The following LIN52 variants were observed in gnomAD, a reference collection of about 807,000 sequenced individuals.
The protein encoded by LIN52 is protein lin-52 homolog.
LIN52 carries 4 observed loss-of-function variants against 18.5 expected under a neutral mutation model. That is an observed-to-expected ratio of 0.22 (90% CI 0.11 to 0.49). The LOEUF is 0.49. Ranked by LOEUF, LIN52 falls within the 20% of genes least tolerant of loss-of-function variation. LIN52 has a pLI of 0.97. For missense variants in LIN52, 102 were observed against 139.5 expected (o/e 0.73, Z 1.35); for synonymous variants, 34 against 45.5 (o/e 0.75, Z 1.02).
chr14:74,166,326 C>T (rs992510525), intron 5 of LIN52, among the ~76,000 whole-genome samples: 12 of 152,186 alleles, frequency 7.9e-5, no homozygotes, highest in Non-Finnish European at 1.2e-4. Flanking sequence ...AAGCGATTCT[C>T]CTGTCTCAGC....
chr14:74,124,810 C>CAAA (rs5809648), intron 5 of LIN52, among the ~76,000 whole-genome samples: 733 of 59,366 alleles, frequency 0.012, 39 homozygotes, highest in South Asian at 0.029. Flanking sequence ...GACCCTGTCT[C>CAAA]AAAAAAAAAA....
At chr14:74,185,367 T>C (rs1386907601) in intron 5 of LIN52, among the ~76,000 whole-genome samples, 1 of 125,668 alleles carries the variant, frequency 8.0e-6, no homozygotes, top group Admixed American at 1.1e-4. Context: ...CAGGCTGGAG[T>C]GCAGTGGCTT....
At position 74,119,649 on chromosome 14, in the gene LIN52, CTT is replaced by C. The variant is rs549833396; in HGVS notation, c.283+18414_283+18415del. Among the ~76,000 whole-genome samples the C allele has an allele frequency of 2.2e-3, 332 of 152,224 alleles. 1 individual carries two copies. The highest frequency in any genetic ancestry group is 7.8e-3 in the African/African-American group (325 of 41,532). Reference sequence around the variant, plus strand: ...CCTTACCAACAGGTGTATTCTCAGTCTTTTAACTTCTAGTCGTTCTAATAAAT... The same window carrying C: ...CCTTACCAACAGGTGTATTCTCAGTCTTAACTTCTAGTCGTTCTAATAAAT... On this transcript the variant is annotated intron_variant, in intron 5 of 5. Transcript: ENST00000555028.
intron 5 of LIN52, among the ~76,000 whole-genome samples, chr14:74,154,891 T>C (rs1399020052): frequency 6.6e-6 from 1 of 152,228 alleles, no homozygotes; most frequent in East Asian, 1.9e-4. Context: ...TTTAACTCAC[T>C]GAGGTCCTCA....
At chr14:74,187,358 G>A (rs1054594174) in intron 5 of LIN52, among the ~76,000 whole-genome samples, 1 of 152,020 alleles carries the variant, frequency 6.6e-6, no homozygotes, top group African/African-American at 2.4e-5. Flanking sequence ...AGAGTAAATG[G>A]TTTTGATTCT....
At chr14:74,133,007 A>G (rs1232582804) in intron 5 of LIN52, among the ~76,000 whole-genome samples, 1 of 151,826 alleles carries the variant, frequency 6.6e-6, no homozygotes, top group African/African-American at 2.4e-5. Context: ...TGCATCCTCC[A>G]TATCTTTAAA....
At position 74,092,301 on chromosome 14, in the gene LIN52, A is replaced by G. The variant is rs201468633; in HGVS notation, c.94+995A>G. Reference sequence around the variant, plus strand: ...ATAATTATTATTATTATATATATGTATATATATATATATGTTTTTTTTAGA... The same window carrying G: ...ATAATTATTATTATTATATATATGTGTATATATATATATGTTTTTTTTAGA... On this transcript the variant is annotated intron_variant, in intron 2 of 5. Coordinates refer to ENST00000555028, the MANE Select transcript of LIN52 (RefSeq NM_001024674.3). Among the ~76,000 whole-genome samples the G allele has an allele frequency of 9.1e-3, 298 of 32,924 alleles. 2 individuals are homozygous for G. Among genetic ancestry groups the G allele is most frequent in the African/African-American group, 0.047 (284 of 6,066 alleles). The allele number at this position is 32,924 out of a possible 152,430, so 21.6% of individuals were successfully genotyped here. A position where few individuals can be genotyped will look rare whatever the true frequency, so the allele number is the denominator to read the frequency against.
intron 5 of LIN52, among the ~76,000 whole-genome samples, chr14:74,139,311 C>T (rs1274800217): frequency 6.6e-6 from 1 of 152,134 alleles, no homozygotes; most frequent in Non-Finnish European, 1.5e-5. Context: ...GAATAGGCAG[C>T]CAATATTCTC....
intron 5 of LIN52, among the ~76,000 whole-genome samples, chr14:74,166,394 T>C (rs927549215): frequency 2.6e-5 from 4 of 151,390 alleles, no homozygotes; most frequent in African/African-American, 9.7e-5. Context: ...TTTGCATTTT[T>C]AGTAGAGATG....
chr14:74,167,434 G>A (rs1484776113), intron 5 of LIN52, among the ~76,000 whole-genome samples: 2 of 152,026 alleles, frequency 1.3e-5, no homozygotes, highest in African/African-American at 4.8e-5. Flanking sequence ...TTCAGGGGAC[G>A]GGTGTTTATT....
chr14:74,164,388 G>A (rs973443723), intron 5 of LIN52, among the ~76,000 whole-genome samples: 3 of 150,346 alleles, frequency 2.0e-5, no homozygotes, highest in Non-Finnish European at 4.4e-5. Context: ...GGGTTCAAGG[G>A]ATTCTCCCAT....
At position 74,097,868 on chromosome 14, in the gene LIN52, A is replaced by G. The variant is rs1372966556; in HGVS notation, c.199+8A>G. On this transcript the variant is annotated splice_region_variant and intron_variant, in intron 4 of 5. Transcript: ENST00000555028. ...ACATCGACATGTTGAAAGGTAAGTG[A>G]TGCTAGTTACCACTTTTAACTGGAT... 1.3e-6 allele frequency: 2 copies of G among 1,597,722 alleles called. No homozygotes were observed. The highest frequency in any genetic ancestry group is 1.7e-6 in the Non-Finnish European group (2 of 1,165,304).
intron 5 of LIN52, among the ~76,000 whole-genome samples, chr14:74,104,458 G>A (rs2060884269): frequency 1.3e-5 from 2 of 151,706 alleles, no homozygotes; most frequent in South Asian, 2.1e-4. Context: ...GTTAAACCTA[G>A]TCATTTGTTC....
chr14:74,085,863 A>AAAAC (rs2060726163), intron 1 of LIN52, among the ~76,000 whole-genome samples: 1 of 152,148 alleles, frequency 6.6e-6, no homozygotes, highest in Admixed American at 6.6e-5. Context: ...CCCTTAGACA[A>AAAAC]AAACATTTTA....
At chr14:74,157,713 C>T (rs960306816) in intron 5 of LIN52, among the ~76,000 whole-genome samples, 1 of 152,056 alleles carries the variant, frequency 6.6e-6, no homozygotes, top group African/African-American at 2.4e-5. Context: ...CCGTGCTCAG[C>T]ATACTCCTGC....
chr14:74,110,161 G>A (rs1051619769), intron 5 of LIN52, among the ~76,000 whole-genome samples: 1 of 152,192 alleles, frequency 6.6e-6, no homozygotes, highest in East Asian at 1.9e-4. Context: ...ATAAGTAGTT[G>A]CTTCTGCTGA....
chr14:74,142,592 C>A (rs1401205434), intron 5 of LIN52, among the ~76,000 whole-genome samples: 1 of 151,542 alleles, frequency 6.6e-6, no homozygotes. Context: ...AAATCTAATT[C>A]CTCAGTCACT....
intron 5 of LIN52, among the ~76,000 whole-genome samples, chr14:74,151,091 C>T (rs994885441): frequency 1.3e-4 from 19 of 151,966 alleles, no homozygotes; most frequent in South Asian, 2.1e-4. Flanking sequence ...TTGAGGTCAC[C>T]GGCATAGAGA....
rs771030763 is a variant in LIN52, at chr14:74,131,217, A to G, written c.283+29979A>G. ...AGTTGTGCTTTTCATGGCTGTTAGC[A>G]ATCTTGAGTAAACCCTGGTGTCAGC... On this transcript the variant is annotated intron_variant, in intron 5 of 5. Transcript: ENST00000555028. Among the ~76,000 whole-genome samples the G allele has an allele frequency of 4.2e-5, 6 of 143,964 alleles. No individual in the cohort carries two copies. The South Asian group carries it at 1.4e-3, about 35-fold the overall frequency. The allele number at this position is 143,964 out of a possible 152,430, so 94.4% of individuals were successfully genotyped here.
Sources: gnomAD v4.1 joint callset for allele counts (sites outside exome capture counted in the v4.1 genomes callset) on GRCh38, gnomAD v4.1.1 for gene constraint, MANE v1.5 for transcripts, NCBI Gene and HGNC (gene_info 2026-07-23, HGNC 2026-07-21) for gene names.